Variants in KDM6A observed in about 807,000 individuals in gnomAD.
KDM6A encodes the protein lysine demethylase 6A, also known as lysine-specific demethylase 6A.
KDM6A carries 11 observed loss-of-function variants against 117.6 expected under a neutral mutation model. The observed-to-expected ratio is 0.09, with a 90% CI of 0.06 to 0.15. The LOEUF (loss-of-function observed/expected upper bound fraction) is 0.15, where lower values mean the gene tolerates loss of function less well. KDM6A is among the 10% of genes least tolerant of loss of function. The pLI is 1.00. For missense variants in KDM6A, 799 were observed against 1,077.3 expected, an observed-to-expected ratio of 0.74 and a Z score of 3.62; for synonymous variants, 384 against 396.1, an observed-to-expected ratio of 0.97 and a Z score of 0.36.
In KDM6A at chrX:45,034,963, C is replaced by A. The variant is rs768017236; in HGVS notation, c.597C>A (p.Pro199=). The A allele has an allele frequency of 8.3e-7, 1 of 1,203,801 alleles. No homozygotes were observed. Among genetic ancestry groups the A allele is most frequent in the East Asian group, 3.0e-5 (1 of 33,728 alleles). The change falls in exon 7 of 30, where the codon CCC becomes CCA. Residue 199 remains proline, a synonymous_variant. Coordinates refer to ENST00000611820, the MANE Select transcript of KDM6A (RefSeq NM_001291415.2). ...HFQLALVDCN[P]CTLSNAEIQF... ...AGTTAGCTTTGGTTGACTGTAATCC[C>A]TGCACTTTGTCCAATGCTGAAAGTA...
chrX:45,079,103 A>C, intron 20 of KDM6A, 43 bp from the exon 21 acceptor site: 1 of 1,048,256 alleles, frequency 9.5e-7, no homozygotes. Flanking sequence ...TATTATCCCA[A>C]ATATAATTTT....
intron 27 of KDM6A, among the ~76,000 whole-genome samples, chrX:45,101,502 T>C (rs2046339183): frequency 9.0e-6 from 1 of 110,895 alleles, no homozygotes; most frequent in South Asian, 3.8e-4. Context: ...AGGGGACATA[T>C]GCCAATATCA....
At chrX:45,082,085 G>A (rs2045437079) in intron 21 of KDM6A, among the ~76,000 whole-genome samples, 1 of 109,437 alleles carries the variant, frequency 9.1e-6, no homozygotes, top group Non-Finnish European at 1.9e-5. Flanking sequence ...GGCTTTCTTG[G>A]GTATTTATTT....
intron 7 of KDM6A, 60 bp downstream of exon 7, chrX:45,035,045 A>G: frequency 2.2e-6 from 2 of 896,268 alleles, no homozygotes; most frequent in Non-Finnish European, 3.3e-6. Context: ...ATGGCAAATA[A>G]CAATAATGTT....
At chrX:45,017,203 C>T (rs1473804262) in intron 5 of KDM6A, among the ~76,000 whole-genome samples, 2 of 111,708 alleles carry the variant, frequency 1.8e-5, no homozygotes, top group Non-Finnish European at 3.8e-5. Flanking sequence ...TAAACCTTTC[C>T]AGGGAATTGT....
intron 28 of KDM6A, 77 bp from the exon 29 acceptor site, chrX:45,110,002 A>T (rs2148303226): frequency 1.0e-6 from 1 of 954,254 alleles, no homozygotes; most frequent in Admixed American, 2.3e-5. Context: ...ATTCAAGTAG[A>T]ATTCCATGAT....
chrX:44,966,606 T>G (rs1450075973), intron 3 of KDM6A, among the ~76,000 whole-genome samples: 1 of 111,023 alleles, frequency 9.0e-6, no homozygotes, highest in African/African-American at 3.3e-5. Flanking sequence ...ATCTAAGGAT[T>G]TAAGTCCTTG....
chrX:44,960,127 C>G (rs1386494574), intron 2 of KDM6A, among the ~76,000 whole-genome samples: 2 of 111,744 alleles, frequency 1.8e-5, no homozygotes, highest in African/African-American at 6.5e-5. Context: ...TGTCCCACAT[C>G]ACATTTTCTT....
chrX:44,890,884 C>T (rs2033308989), intron 2 of KDM6A, among the ~76,000 whole-genome samples: 1 of 109,710 alleles, frequency 9.1e-6, no homozygotes, highest in Admixed American at 9.8e-5. Context: ...GAACTCCTGA[C>T]CTCAGGTGAT....
chrX:45,004,283 C>A (rs1372271118), intron 4 of KDM6A, among the ~76,000 whole-genome samples: 1 of 111,049 alleles, frequency 9.0e-6, no homozygotes, highest in Admixed American at 9.6e-5. Flanking sequence ...AGGGTTTGGA[C>A]CCTTTATAGT....
intron 12 of KDM6A, 57 bp from the exon 13 acceptor site, chrX:45,059,965 C>T (rs1431952568): frequency 1.7e-6 from 2 of 1,180,092 alleles, no homozygotes; most frequent in African/African-American, 3.5e-5. Context: ...ATTTAGTGGA[C>T]TTGCTCTTAC....
At chrX:44,924,648 GGTGTGTGTGTGTGT>G (rs112587323) in intron 2 of KDM6A, among the ~76,000 whole-genome samples, 14 of 90,454 alleles carry the variant, frequency 1.5e-4, no homozygotes, top group African/African-American at 3.2e-4. Flanking sequence ...GGTGGTCCTG[GGTGTGTGTGTGTGT>G]GTGTGTGTGT....
intron 2 of KDM6A, among the ~76,000 whole-genome samples, chrX:44,910,360 T>A (rs962368358): frequency 1.8e-5 from 2 of 111,384 alleles, no homozygotes; most frequent in Non-Finnish European, 3.8e-5. Flanking sequence ...CTAATTTTTT[T>A]GTATTTTTAG....
intron 2 of KDM6A, among the ~76,000 whole-genome samples, chrX:44,939,557 A>G (rs2037170884): frequency 8.9e-6 from 1 of 112,381 alleles, no homozygotes; most frequent in Admixed American, 9.4e-5. Context: ...AAATGACAAC[A>G]AAGGATTTAG....
At chrX:44,907,751 ATTTT>A (rs67971573) in intron 2 of KDM6A, among the ~76,000 whole-genome samples, 4 of 70,532 alleles carry the variant, frequency 5.7e-5, no homozygotes, top group African/African-American at 5.3e-5. Context: ...TCTGGCCTCC[ATTTT>A]TTTTTTTTTT....
Position 45,067,667 on chromosome X carries a change from T to TTC in KDM6A, c.2080-1911_2080-1910insCT, listed in dbSNP as rs1556322068. On this transcript the variant is annotated intron_variant, in intron 17 of 29. Transcript: ENST00000611820. ...ATCTTTTTTTTGTTTTTTTTTTTTT[T>TTC]TTTGAGATGGAGCCTGGCTCTGTCG... is the stretch of plus-strand genomic sequence containing the variant. Among the ~76,000 whole-genome samples the TTC allele has an allele frequency of 1.0e-3, 102 of 100,789 alleles. 1 individual carries two copies. Among genetic ancestry groups the TTC allele is most frequent in the African/African-American group, 3.4e-3 (86 of 25,227 alleles). 87.5% of individuals were successfully genotyped at this position (100,789 alleles called of 115,157 possible).
intron 4 of KDM6A, among the ~76,000 whole-genome samples, chrX:44,987,822 T>G (rs1384095124): frequency 7.2e-5 from 8 of 111,490 alleles, no homozygotes; most frequent in African/African-American, 2.6e-4. Flanking sequence ...CCGACCTTTC[T>G]CTCTGGCTGC....
Position 45,079,188 on chromosome X carries a change from A to G in KDM6A, c.3137A>G (p.Asn1046Ser), listed in dbSNP as rs750326975. ...FSTKTLVEAN[N>S]EHMVEVRTQL... The stretch of plus-strand genomic sequence containing the variant: ...ACTAAAACTTTGGTGGAAGCTAACA[A>G]TGAACATATGGTAGAAGTGAGGACA... Residue 1046 changes from asparagine (N) to serine (S), a missense_variant, in exon 21 of 30, where the codon AAT (asparagine) becomes AGT (serine). This residue lies in a region of KDM6A where 291 missense variants were observed against 437.9 expected (regional missense o/e 0.66). Coordinates refer to ENST00000611820, the MANE Select transcript of KDM6A (RefSeq NM_001291415.2). 5 of 1,211,126 alleles carry G rather than the reference A, an allele frequency of 4.1e-6. No individual in the cohort carries two copies. The highest frequency in any genetic ancestry group is 5.6e-6 in the Non-Finnish European group (5 of 894,838).
At chrX:44,910,227 C>A (rs1209165428) in intron 2 of KDM6A, among the ~76,000 whole-genome samples, 1 of 112,045 alleles carries the variant, frequency 8.9e-6, no homozygotes, top group Non-Finnish European at 1.9e-5. Flanking sequence ...GCTCCTGTTA[C>A]CCAGGCTGGA....
Sources: gnomAD v4.1 joint callset for allele counts (sites outside exome capture counted in the v4.1 genomes callset) on GRCh38, gnomAD v4.1.1 for gene constraint, gnomAD v4.1.1 regional missense constraint, MANE v1.5 for transcripts, NCBI Gene and HGNC (gene_info 2026-07-23, HGNC 2026-07-21) for gene names.